PRPF8: variants seen among roughly 807,000 people sequenced by gnomAD.
The protein encoded by PRPF8 is pre-mRNA processing factor 8.
PRPF8 carries 64 observed loss-of-function variants against 285.9 expected under a neutral mutation model. The observed-to-expected ratio is 0.22, with a 90% CI of 0.18 to 0.28. The LOEUF (loss-of-function observed/expected upper bound fraction) is 0.28, where lower values mean the gene tolerates loss of function less well. Ranked by LOEUF, PRPF8 falls within the 10% of genes least tolerant of loss-of-function variation. The pLI, the probability that PRPF8 is intolerant of heterozygous loss-of-function variation, is 1.00. For synonymous variants in PRPF8, 1,325 were observed against 1,118.2 expected, an observed-to-expected ratio of 1.18 and a Z score of -3.69; for missense variants, 1,426 against 3,026.7, an observed-to-expected ratio of 0.47 and a Z score of 12.41.
At position 1,675,686 on chromosome 17, in the gene PRPF8, A is replaced by G. The variant is rs754299754; in HGVS notation, c.2806T>C (p.Phe936Leu). Residue 936 changes from phenylalanine (F) to leucine (L), a missense_variant, in exon 19 of 43, where the codon TTC (phenylalanine) becomes CTC (leucine). Around this residue, in one of 34 missense-constraint regions of PRPF8, gnomAD observed 70 missense variants for 273.7 expected, o/e 0.26. Transcript: ENST00000304992. The surrounding 1 kb of genome is among the most constrained non-coding windows in gnomAD (Gnocchi z 6.0). ...LWYEADKRRL[F>L]PPWIKPADTE... ...TCTGCAGGCTTAATCCAGGGTGGGA[A>G]CAGGCGGCGCTTGTCGGCTTCATAC... is the stretch of plus-strand genomic sequence containing the variant. 22 of 1,614,032 alleles carry G rather than the reference A, an allele frequency of 1.4e-5. No homozygotes were observed. Among genetic ancestry groups the G allele is most frequent in the Non-Finnish European group, 1.8e-5 (21 of 1,180,030 alleles).
At position 1,673,892 on chromosome 17, in the gene PRPF8, C is replaced by T. The variant is rs1482266398; in HGVS notation, c.3300G>A (p.Arg1100=). Residue 1100 remains arginine (R), a splice_region_variant and synonymous_variant, in exon 22 of 43, where the codon AGG becomes AGA. Coordinates refer to ENST00000304992, the MANE Select transcript of PRPF8 (RefSeq NM_006445.4). The surrounding 1 kb of genome is among the most constrained non-coding windows in gnomAD (Gnocchi z 5.5). ...GGTCCCGAGCCTCATCTGCTGTGAA[C>T]CTACACCAGACCAGGTACACTGCTG... The part of the protein sequence containing the change: ...RYIDRIHIFF[R]FTADEARDLI... 1 of 1,612,840 alleles carries T rather than the reference C, an allele frequency of 6.2e-7. No homozygotes were observed. The highest frequency in any genetic ancestry group is 1.7e-5 in the Admixed American group (1 of 60,010).
At position 1,679,437 on chromosome 17, in the gene PRPF8, G is replaced by A; in HGVS notation, c.1290-27C>T. 1.2e-6 allele frequency: 2 copies of A among 1,611,922 alleles called. No homozygotes were observed. Among genetic ancestry groups the A allele is most frequent in the Non-Finnish European group, 1.7e-6 (2 of 1,179,986 alleles). ...TGGAAAAATAAGCCCACCAGAGTTT[G>A]GCCATCTCTTCTTCCAGACACTCTG... On this transcript the variant is annotated intron_variant, in intron 9 of 42. Transcript: ENST00000304992. This position sits in a 1 kb window ranked among gnomAD's most constrained non-coding sequence, Gnocchi z 4.7.
chr17:1,652,714 T>C (rs1386109197), intron 39 of PRPF8: 2 of 102,630 alleles, frequency 1.9e-5, no homozygotes, highest in Non-Finnish European at 3.4e-5. Flanking sequence ...CCTGGCTAGT[T>C]TTTTTTTTTT....
In PRPF8 at chr17:1,682,701, C is replaced by T. The variant is rs148497441; in HGVS notation, c.270-408G>A. On this transcript the variant is annotated intron_variant, in intron 3 of 42. Transcript: ENST00000304992. Reference sequence around the variant, plus strand: ...AAGGCGGAGATTGTTACCCTCTGCTCGCTACTATATCCCCAGCAGCCAGCA... The same window carrying T: ...AAGGCGGAGATTGTTACCCTCTGCTTGCTACTATATCCCCAGCAGCCAGCA... Among the ~76,000 whole-genome samples the T allele has an allele frequency of 7.6e-3, 1,153 of 152,320 alleles. 6 individuals carry two copies. The highest frequency in any genetic ancestry group is 0.01 in the Non-Finnish European group (714 of 68,024).
Position 1,651,874 on chromosome 17 carries a change from C to A in PRPF8, c.6370-86G>T. On this transcript the variant is annotated intron_variant, in intron 39 of 42. Coordinates refer to ENST00000304992, the MANE Select transcript of PRPF8 (RefSeq NM_006445.4). The surrounding 1 kb of genome is among the most constrained non-coding windows in gnomAD (Gnocchi z 5.1). Reference sequence around the variant, plus strand: ...CCAGCCCTCTGTTTCCTTCCTTCCCCCAAGAACGAGGACAGAGTTTCTTAA... The same window carrying A: ...CCAGCCCTCTGTTTCCTTCCTTCCCACAAGAACGAGGACAGAGTTTCTTAA... The A allele has an allele frequency of 6.6e-7, 1 of 1,510,542 alleles. No individual in the cohort carries two copies. Among genetic ancestry groups the A allele is most frequent in the East Asian group, 2.3e-5 (1 of 44,362 alleles). The allele number at this position is 1,510,542 out of a possible 1,614,324, so 93.6% of individuals were successfully genotyped here. A position where few individuals can be genotyped will look rare whatever the true frequency, so the allele number is the denominator to read the frequency against.
rs765190936 is a variant in PRPF8 at position 1,651,380 on chromosome 17, C to T, written c.6650+34G>A. The T allele has an allele frequency of 1.7e-5, 28 of 1,613,962 alleles. No homozygotes were observed. The highest frequency in any genetic ancestry group is 2.3e-5 in the Non-Finnish European group (27 of 1,180,004). On this transcript the variant is annotated intron_variant, in intron 41 of 42. Coordinates refer to ENST00000304992, the MANE Select transcript of PRPF8 (RefSeq NM_006445.4). This position sits in a 1 kb window ranked among gnomAD's most constrained non-coding sequence, Gnocchi z 5.1. Reference sequence around the variant, plus strand: ...TGGGCCCTGGCCTGCAATCCCTGCCCCACCATACTTCCTCCCAAGGAGCCC... The same window carrying T: ...TGGGCCCTGGCCTGCAATCCCTGCCTCACCATACTTCCTCCCAAGGAGCCC...
rs1302921019 is a variant in PRPF8 at position 1,653,373 on chromosome 17, G to A, written c.6369+169C>T. ...CCTTCTCTCAGCTGCCACAGCTTTT[G>A]CTATCTCATGGGGCCAAAACCCACC... On this transcript the variant is annotated intron_variant, in intron 39 of 42. Transcript: ENST00000304992. The surrounding 1 kb of genome is among the most constrained non-coding windows in gnomAD (Gnocchi z 4.9). 2 of 815,872 alleles carry A rather than the reference G, an allele frequency of 2.5e-6. No homozygotes were observed. The highest frequency in any genetic ancestry group is 1.5e-5 in the South Asian group (1 of 66,908). The allele number at this position is 815,872 out of a possible 1,614,324, so 50.5% of individuals were successfully genotyped here. A position where few individuals can be genotyped will look rare whatever the true frequency, so the allele number is the denominator to read the frequency against.
In PRPF8 at chr17:1,681,654, G is replaced by C. The variant is rs200640834; in HGVS notation, c.690C>G (p.Phe230Leu). The C allele has an allele frequency of 1.9e-6, 3 of 1,614,002 alleles. No individual in the cohort carries two copies. Among genetic ancestry groups the C allele is most frequent in the Non-Finnish European group, 2.5e-6 (3 of 1,180,024 alleles). ...AGAGAGTCGACATCATAGGTAGTGTGAACTGCCAGCGCTGGTAAGTGGAGC... is the reference window on the plus strand; with the variant it reads ...AGAGAGTCGACATCATAGGTAGTGTCAACTGCCAGCGCTGGTAAGTGGAGC... ...VNGSTYQRWQ[F>L]TLPMMSTLYR... The change falls in exon 6 of 43, where the codon TTC becomes TTG. Residue 230 changes from phenylalanine to leucine, a missense_variant. Physicochemically the swap from Phe to Leu is conservative, Grantham distance 22. This residue lies in a region of PRPF8 where 157 missense variants were observed against 159.6 expected (regional missense o/e 0.98). Transcript: ENST00000304992.
rs766160220 is a variant in PRPF8, at chr17:1,660,879, C to T, written c.4509-52G>A. On this transcript the variant is annotated intron_variant, in intron 28 of 42. Coordinates refer to ENST00000304992, the MANE Select transcript of PRPF8 (RefSeq NM_006445.4). ...TGATATCCTGCCATTTCCCAGCACA[C>T]TGCTAACCTCCTGGAGGTGGCTGTC... is the stretch of plus-strand genomic sequence containing the variant. The T allele has an allele frequency of 2.5e-6, 4 of 1,612,796 alleles. No individual in the cohort carries two copies. The East Asian group carries it at 8.9e-5, about 36-fold the overall frequency.
Position 1,651,689 on chromosome 17 carries a change from C to A in PRPF8, c.6469G>T (p.Val2157Leu). 6.2e-7 allele frequency: 1 copy of A among 1,614,160 alleles called. No homozygotes were observed. The highest frequency in any genetic ancestry group is 1.3e-5 in the African/African-American group (1 of 75,048). The change falls in exon 40 of 43, where the codon GTG (valine) becomes TTG (leucine). Residue 2157 changes from valine to leucine, a missense_variant. Val to Leu is a conservative substitution (Grantham distance 32, BLOSUM62 1). Transcript: ENST00000304992. This position sits in a 1 kb window ranked among gnomAD's most constrained non-coding sequence, Gnocchi z 5.1. ...TGGGGCAGCTGGCCAGGCAGGTGCA[C>A]GGTCTGGTGAGTGCCCCACTGCGGC... The part of the protein sequence containing the change: ...MVPQWGTHQT[V>L]HLPGQLPQHE...
intron 8 of PRPF8, chr17:1,680,396 C>T: frequency 4.8e-6 from 2 of 414,444 alleles, no homozygotes; most frequent in Non-Finnish European, 8.9e-6. Context: ...TCAAATTACA[C>T]ACTTTAAATG....
At position 1,673,646 on chromosome 17, in the gene PRPF8, A is replaced by G; in HGVS notation, c.3447-79T>C. The G allele has an allele frequency of 1.2e-6, 2 of 1,611,566 alleles. No individual in the cohort carries two copies. Among genetic ancestry groups the G allele is most frequent in the East Asian group, 2.2e-5 (1 of 44,866 alleles). ...AAAGGCCAACTGATGACATCCTGAC[A>G]CAGCCACGCCTCTCCCACCCAGGAC... On this transcript the variant is annotated intron_variant, in intron 22 of 42. Coordinates refer to ENST00000304992, the MANE Select transcript of PRPF8 (RefSeq NM_006445.4). The surrounding 1 kb of genome is among the most constrained non-coding windows in gnomAD (Gnocchi z 5.5).
chr17:1,677,310 C>A, intron 14 of PRPF8, 138 bp from the exon 15 acceptor site: 1 of 1,022,318 alleles, frequency 9.8e-7, no homozygotes. Flanking sequence ...CCAGCATATG[C>A]AAAAAGACGA....
chr17:1,668,349 G>A (rs988128040), intron 24 of PRPF8, among the ~76,000 whole-genome samples: 1 of 144,922 alleles, frequency 6.9e-6, no homozygotes, highest in African/African-American at 2.5e-5. Flanking sequence ...ATGGGGTCTA[G>A]CATTCTTTTT....
At chr17:1,677,466 AG>A in intron 14 of PRPF8, 98 bp downstream of exon 14, 3 of 1,556,828 alleles carry the variant, frequency 1.9e-6, no homozygotes, top group South Asian at 1.1e-5. Context: ...GCAATCCAGT[AG>A]GAAGAGTGCT....
At chr17:1,669,008 C>G (rs1042582262) in intron 24 of PRPF8, among the ~76,000 whole-genome samples, 1 of 152,218 alleles carries the variant, frequency 6.6e-6, no homozygotes, top group African/African-American at 2.4e-5. Flanking sequence ...ATATCCACAT[C>G]TTTCCAGACC....
Position 1,658,835 on chromosome 17 carries a change from T to C in PRPF8, c.5139-72A>G. 4 of 1,318,576 alleles carry C rather than the reference T, an allele frequency of 3.0e-6. No individual in the cohort carries two copies. The allele number at this position is 1,318,576 out of a possible 1,614,324, so 81.7% of individuals were successfully genotyped here. ...CCCAGAAACAAGACAAGCTGCCAAC[T>C]CTACAGAGGAAGAAAGACTGTTCGC... On this transcript the variant is annotated intron_variant, in intron 32 of 42. Coordinates refer to ENST00000304992, the MANE Select transcript of PRPF8 (RefSeq NM_006445.4). The surrounding 1 kb of genome is among the most constrained non-coding windows in gnomAD (Gnocchi z 4.1).
intron 34 of PRPF8, among the ~76,000 whole-genome samples, chr17:1,657,665 G>T (rs373489517): frequency 9.5e-5 from 13 of 136,678 alleles, no homozygotes; most frequent in Non-Finnish European, 1.9e-4. Flanking sequence ...AAAAAAAAAA[G>T]AGAATATGCA....
At chr17:1,656,845 A>G in intron 34 of PRPF8, 84 bp from the exon 35 acceptor site, 1 of 1,207,058 alleles carries the variant, frequency 8.3e-7, no homozygotes, top group Non-Finnish European at 1.2e-6. Context: ...TTTTGAAATA[A>G]TCCAACTACG....
Sources: gnomAD v4.1 joint callset for allele counts (sites outside exome capture counted in the v4.1 genomes callset) on GRCh38, gnomAD v4.1.1 for gene constraint, gnomAD v4.1.1 regional missense constraint, Gnocchi (gnomAD v3.1) non-coding constraint, MANE v1.5 for transcripts, NCBI Gene and HGNC (gene_info 2026-07-23, HGNC 2026-07-21) for gene names.